The following TIAM2 variants were observed in gnomAD, a reference collection of about 807,000 sequenced individuals.
TIAM2 encodes the protein TIAM Rac1 associated GEF 2.
In TIAM2, 80 loss-of-function variants were observed where a neutral mutation model predicts 152.9. The ratio of observed to expected loss-of-function variants is 0.52; its 90% confidence interval spans 0.44 to 0.63. The LOEUF is 0.63. TIAM2 is among the 30% of genes least tolerant of loss of function. The probability of loss-of-function intolerance (pLI) is 0.00; values close to 1 mark genes in which losing one functional copy is unlikely to be tolerated. For missense variants in TIAM2, 1,965 were observed against 2,120.1 expected (o/e 0.93, Z 1.44); for synonymous variants, 804 against 838.0 (o/e 0.96, Z 0.70).
At chr6:155,150,066 T>C (rs2115068727) in intron 7 of TIAM2, among the ~76,000 whole-genome samples, 1 of 152,194 alleles carries the variant, frequency 6.6e-6, no homozygotes, top group Admixed American at 6.5e-5. Flanking sequence ...AATTCCGACC[T>C]CTGCCCCTCA....
At chr6:155,066,638 A>G (rs1351159645) in intron 1 of TIAM2, among the ~76,000 whole-genome samples, 1 of 152,222 alleles carries the variant, frequency 6.6e-6, no homozygotes. Flanking sequence ...AAGCAAGCCC[A>G]GATTTTAACA....
In TIAM2 at chr6:155,085,807, G is replaced by A. The variant is rs112380020; in HGVS notation, c.-208-4482G>A. Among the ~76,000 whole-genome samples, 365 of 152,368 alleles carry A rather than the reference G, an allele frequency of 2.4e-3. 4 individuals carry two copies. The highest frequency in any genetic ancestry group is 8.3e-3 in the African/African-American group (345 of 41,596). On this transcript the variant is annotated intron_variant, in intron 1 of 26. Transcript: ENST00000682666. ...ATGCTGATAAAAGCATGAGCCATCAGTCTTGATTGATGACTCTGTCCACAC... is the reference window on the plus strand; with the variant it reads ...ATGCTGATAAAAGCATGAGCCATCAATCTTGATTGATGACTCTGTCCACAC...
intron 24 of TIAM2, 170 bp downstream of exon 24, chr6:155,253,223 G>A: frequency 1.8e-6 from 1 of 550,768 alleles, no homozygotes; most frequent in Non-Finnish European, 3.2e-6. Context: ...ACTTCTGGGA[G>A]AAACTAAATG....
intron 2 of TIAM2, among the ~76,000 whole-genome samples, chr6:155,097,344 T>G (rs1046154389): frequency 1.9e-4 from 29 of 152,288 alleles, no homozygotes; most frequent in African/African-American, 5.3e-4. Flanking sequence ...GCAGAGCTTT[T>G]TATTTTTATT....
rs9480094 is a variant in TIAM2 at position 155,233,468 on chromosome 6, G to A, written c.3169-7062G>A. Among the ~76,000 whole-genome samples the A allele has an allele frequency of 4.3e-3, 650 of 152,236 alleles. 6 individuals are homozygous for A. The highest frequency in any genetic ancestry group is 0.018 in the Admixed American group (281 of 15,274). On this transcript the variant is annotated intron_variant, in intron 15 of 26. Coordinates refer to ENST00000682666, the MANE Select transcript of TIAM2 (RefSeq NM_012454.4). The stretch of plus-strand genomic sequence containing the variant: ...GAGGGTCTGGGCGAGCTGCTTGATC[G>A]TCCTAAGCAGTTTTCTTGCCACTCC...
intron 3 of TIAM2, among the ~76,000 whole-genome samples, chr6:155,128,147 T>C (rs567131609): frequency 2.0e-5 from 3 of 152,320 alleles, no homozygotes; most frequent in South Asian, 2.1e-4. Flanking sequence ...AAGAGTCTAA[T>C]ATTAAGTTTT....
intron 1 of TIAM2, among the ~76,000 whole-genome samples, chr6:155,089,637 C>T (rs1778254520): frequency 6.6e-6 from 1 of 152,176 alleles, no homozygotes; most frequent in African/African-American, 2.4e-5. Flanking sequence ...GATCATTTCT[C>T]TAAGTTCAAA....
chr6:155,052,329 G>C (rs73792673), intron 1 of TIAM2, among the ~76,000 whole-genome samples: 1 of 152,018 alleles, frequency 6.6e-6, no homozygotes, highest in East Asian at 1.9e-4. Context: ...TATATTTTAG[G>C]TGGCAAAATA....
chr6:155,045,788 T>G (rs1205727485), intron 1 of TIAM2, among the ~76,000 whole-genome samples: 1 of 150,612 alleles, frequency 6.6e-6, no homozygotes, highest in Non-Finnish European at 1.5e-5. Context: ...GAACTACCCT[T>G]AACTCTTCTC....
At chr6:155,119,791 A>G (rs1336325829) in intron 2 of TIAM2, among the ~76,000 whole-genome samples, 3 of 152,242 alleles carry the variant, frequency 2.0e-5, no homozygotes, top group Non-Finnish European at 4.4e-5. Context: ...TCAAGAAGAC[A>G]TAATTTTACT....
intron 1 of TIAM2, among the ~76,000 whole-genome samples, chr6:155,015,059 T>C (rs1394734393): frequency 6.6e-6 from 1 of 152,040 alleles, no homozygotes; most frequent in Non-Finnish European, 1.5e-5. Context: ...GTGTGCATGC[T>C]GGAGCTGGGG....
intron 1 of TIAM2, among the ~76,000 whole-genome samples, chr6:155,037,686 C>T (rs931039655): frequency 3.3e-5 from 5 of 152,114 alleles, no homozygotes; most frequent in South Asian, 2.1e-4. Flanking sequence ...CGCACCACCA[C>T]GCCTGCCTAA....
At chr6:155,232,160 C>A (rs1782504338) in intron 15 of TIAM2, among the ~76,000 whole-genome samples, 1 of 152,072 alleles carries the variant, frequency 6.6e-6, no homozygotes, top group Admixed American at 6.5e-5. Context: ...CAGATTCCAT[C>A]CTTGCCAGTG....
At chr6:155,061,909 C>T (rs1284936516) in intron 1 of TIAM2, among the ~76,000 whole-genome samples, 1 of 152,090 alleles carries the variant, frequency 6.6e-6, no homozygotes, top group Non-Finnish European at 1.5e-5. Flanking sequence ...AGTCGTATAG[C>T]CACCACCACA....
chr6:155,183,647 T>A, intron 14 of TIAM2, 147 bp downstream of exon 14: 1 of 913,622 alleles, frequency 1.1e-6, no homozygotes, highest in Non-Finnish European at 1.5e-6. Flanking sequence ...CCAACTGGAG[T>A]AGATTTTATC....
intron 15 of TIAM2, among the ~76,000 whole-genome samples, chr6:155,229,117 C>T (rs1218290077): frequency 6.6e-6 from 1 of 152,232 alleles, no homozygotes; most frequent in Non-Finnish European, 1.5e-5. Flanking sequence ...TTCTGCACGC[C>T]TCCCCTCGTT....
At chr6:155,045,968 G>T (rs1226176834) in intron 1 of TIAM2, among the ~76,000 whole-genome samples, 1 of 151,582 alleles carries the variant, frequency 6.6e-6, no homozygotes, top group East Asian at 1.9e-4. Flanking sequence ...GCGGGCGGGA[G>T]GTAGCAGGGG....
In TIAM2 at chr6:155,227,487, C is replaced by T. The variant is rs542554338; in HGVS notation, c.3169-13043C>T. The stretch of plus-strand genomic sequence containing the variant: ...CCTAGGCAGTGACTGTACCACGGAT[C>T]GCGCCCAGCCCTGCCAGCTTCTAAA... On this transcript the variant is annotated intron_variant, in intron 15 of 26. Transcript: ENST00000682666. 7.9e-5 allele frequency among the ~76,000 whole-genome samples: 12 copies of T among 152,310 alleles called. No individual in the cohort carries two copies. The East Asian group carries it at 1.2e-3, about 15-fold the overall frequency.
chr6:155,116,107 A>G (rs1779004240), intron 2 of TIAM2, among the ~76,000 whole-genome samples: 1 of 152,214 alleles, frequency 6.6e-6, no homozygotes, highest in African/African-American at 2.4e-5. Context: ...CCATCTCAGA[A>G]AAAAAGAATG....
Sources: allele counts gnomAD v4.1 joint callset (sites outside exome capture counted in the v4.1 genomes callset), GRCh38; gene constraint gnomAD v4.1.1; transcripts MANE v1.5; gene names NCBI Gene and HGNC (gene_info 2026-07-23, HGNC 2026-07-21).